Variants in LARGE1 observed in about 807,000 individuals in gnomAD.
The protein encoded by LARGE1 is LARGE xylosyl- and glucuronyltransferase 1, also known as xylosyl- and glucuronyltransferase LARGE1.
LARGE1 carries 43 observed loss-of-function variants against 87.6 expected under a neutral mutation model. The ratio of observed to expected loss-of-function variants is 0.49; its 90% CI spans 0.38 to 0.63. LARGE1 has a LOEUF of 0.63. LARGE1 is among the 30% of genes least tolerant of loss of function. The pLI is 0.00. For missense variants in LARGE1, 802 were observed against 1,000.2 expected, an observed-to-expected ratio of 0.80 and a Z score of 2.67; for synonymous variants, 434 against 394.6, an observed-to-expected ratio of 1.10 and a Z score of -1.18.
chr22:33,391,694 T>G (rs1349108396), intron 7 of LARGE1, among the ~76,000 whole-genome samples: 1 of 151,966 alleles, frequency 6.6e-6, no homozygotes, highest in Non-Finnish European at 1.5e-5. Context: ...TGCATAAAGT[T>G]GTCTAGCATG....
intron 1 of LARGE1, among the ~76,000 whole-genome samples, chr22:33,818,351 TC>T (rs2086719042): frequency 6.6e-6 from 1 of 152,218 alleles, no homozygotes; most frequent in African/African-American, 2.4e-5. Flanking sequence ...CCCTATCAAC[TC>T]ACTCAGGGAT....
intron 1 of LARGE1, among the ~76,000 whole-genome samples, chr22:33,841,246 A>G (rs1296574400): frequency 1.3e-5 from 2 of 152,072 alleles, no homozygotes; most frequent in East Asian, 3.9e-4. Flanking sequence ...TTTTCCTCTT[A>G]CAAATGTACA....
chr22:33,766,518 C>T lies in LARGE1; in HGVS notation c.-82-4960G>A, dbSNP rs146089836. On this transcript the variant is annotated intron_variant, in intron 1 of 14. Coordinates refer to ENST00000397394, the MANE Select transcript of LARGE1 (RefSeq NM_133642.5). ...TTGGCTCACTGCAACCTCCGCCTCC[C>T]GGGTTCACGCATTCTCCTGCCTCAG... Among the ~76,000 whole-genome samples the T allele has an allele frequency of 5.9e-5, 9 of 152,260 alleles. No homozygotes were observed. The South Asian group carries it at 6.2e-4, about 11-fold the overall frequency.
intron 2 of LARGE1, among the ~76,000 whole-genome samples, chr22:33,703,018 T>G (rs1392955388): frequency 6.6e-6 from 1 of 151,620 alleles, no homozygotes; most frequent in Non-Finnish European, 1.5e-5. Context: ...AAGACTAGAG[T>G]GCATGAGTTC....
rs538947494 is a variant in LARGE1, at chr22:33,917,724, T to C, written c.-83+2271A>G. Among the ~76,000 whole-genome samples the C allele has an allele frequency of 1.6e-4, 25 of 152,290 alleles. No individual in the cohort carries two copies. In the South Asian group the frequency reaches 1.7e-3, roughly 10 times the overall value. On this transcript the variant is annotated intron_variant, in intron 1 of 14. Transcript: ENST00000397394. ...AGTCTTTTCAGAATGTCACATAACATTTTGCAGTTAACTGGTTCTGAGTTG... is the reference window on the plus strand; with the variant it reads ...AGTCTTTTCAGAATGTCACATAACACTTTGCAGTTAACTGGTTCTGAGTTG...
intron 6 of LARGE1, among the ~76,000 whole-genome samples, chr22:33,474,104 C>T (rs1182365558): frequency 6.6e-6 from 1 of 152,168 alleles, no homozygotes; most frequent in Admixed American, 6.5e-5. Flanking sequence ...ATCTTTTTCA[C>T]TCAAAGGGCC....
chr22:33,666,663 G>C (rs537342358), intron 2 of LARGE1, among the ~76,000 whole-genome samples: 1 of 152,306 alleles, frequency 6.6e-6, no homozygotes, highest in South Asian at 2.1e-4. Context: ...GGAGGAATCA[G>C]AAATCTTTTT....
intron 1 of LARGE1, among the ~76,000 whole-genome samples, chr22:33,862,983 C>T (rs971555611): frequency 2.0e-5 from 3 of 152,092 alleles, no homozygotes; most frequent in African/African-American, 7.2e-5. Flanking sequence ...TACTCTTTCA[C>T]GGATGAGAAA....
intron 6 of LARGE1, among the ~76,000 whole-genome samples, chr22:33,467,055 G>A (rs1397877449): frequency 1.3e-5 from 2 of 152,048 alleles, no homozygotes; most frequent in Non-Finnish European, 2.9e-5. Flanking sequence ...AAAAGAGTCT[G>A]TTCTCTCATG....
intron 1 of LARGE1, among the ~76,000 whole-genome samples, chr22:33,831,356 T>G (rs1381836497): frequency 1.3e-5 from 2 of 152,224 alleles, no homozygotes; most frequent in Non-Finnish European, 2.9e-5. Flanking sequence ...CGTGCATACA[T>G]GCACCCCCCC....
intron 2 of LARGE1, 151 bp from the exon 3 acceptor site, chr22:33,650,819 G>T: frequency 2.3e-6 from 2 of 859,292 alleles, no homozygotes; most frequent in Non-Finnish European, 1.8e-6. Flanking sequence ...ACAAATAAAC[G>T]CATCCAGATT....
intron 6 of LARGE1, among the ~76,000 whole-genome samples, chr22:33,507,984 C>T (rs889735006): frequency 6.6e-6 from 1 of 152,204 alleles, no homozygotes; most frequent in South Asian, 2.1e-4. Flanking sequence ...TGACTAACTT[C>T]CCTAATTTTA....
intron 1 of LARGE1, among the ~76,000 whole-genome samples, chr22:33,781,521 G>A (rs537158456): frequency 4.6e-5 from 7 of 152,208 alleles, no homozygotes; most frequent in East Asian, 1.9e-4. Context: ...TCACACTGAC[G>A]TGTTCCAGAA....
exon 12 of LARGE1, chr22:33,165,855 G>C (rs1426494955): frequency 6.6e-6 from 1 of 152,128 alleles, no homozygotes; most frequent in African/African-American, 2.4e-5. Flanking sequence ...AAAACACCAA[G>C]AGTACCAACT....
intron 7 of LARGE1, among the ~76,000 whole-genome samples, chr22:33,404,943 A>G (rs868639593): frequency 5.9e-5 from 9 of 152,168 alleles, no homozygotes; most frequent in Non-Finnish European, 1.2e-4. Flanking sequence ...ATTCTTAGTC[A>G]TCACGGCCAC....
chr22:33,170,958 G>A (rs1373128144), intron 11 of LARGE1, among the ~76,000 whole-genome samples: 1 of 152,184 alleles, frequency 6.6e-6, no homozygotes, highest in African/African-American at 2.4e-5. Flanking sequence ...TTGTTGGATG[G>A]TTTTGACCAA....
rs927383009 is a variant in LARGE1, at chr22:33,222,292, G to C, written c.1731-55460C>G. Among the ~76,000 whole-genome samples the C allele has an allele frequency of 3.3e-5, 5 of 152,314 alleles. No individual in the cohort carries two copies. In the East Asian group the frequency reaches 5.8e-4, roughly 18 times the overall value. ...ACAGGAGAGACAGCCAGGGTTAGGG[G>C]TGAGGGGTCTAGAAGGGAGGGTTAC... On this transcript the variant is annotated intron_variant, in intron 11 of 11. Transcript: ENST00000608642.
chr22:33,434,304 CTTTTG>C (rs974778987), intron 6 of LARGE1, among the ~76,000 whole-genome samples: 2 of 152,000 alleles, frequency 1.3e-5, no homozygotes, highest in African/African-American at 4.8e-5. Flanking sequence ...TCCCAAGGGT[CTTTTG>C]TTTTGTTTTT....
chr22:33,073,784 G>A, the LARGE1 span, among the ~76,000 whole-genome samples: 1 of 152,170 alleles, frequency 6.6e-6, no homozygotes, highest in Admixed American at 6.5e-5. Flanking sequence ...TACGAGTGAG[G>A]TAAAGGATTT....
Sources: gnomAD v4.1 joint callset for allele counts (sites outside exome capture counted in the v4.1 genomes callset) on GRCh38, gnomAD v4.1.1 for gene constraint, MANE v1.5 for transcripts, NCBI Gene and HGNC (gene_info 2026-07-23, HGNC 2026-07-21) for gene names.